Variants in DNAJB6 observed in about 807,000 individuals in gnomAD.
The protein encoded by DNAJB6 is dnaJ homolog subfamily B member 6.
A neutral mutation model predicts 42.7 loss-of-function variants in DNAJB6; 16 were observed. That is an observed-to-expected ratio of 0.37 (90% CI 0.25 to 0.57). DNAJB6 has a LOEUF of 0.57. Ranked by LOEUF, DNAJB6 falls within the 20% of genes least tolerant of loss-of-function variation. The pLI is 0.74. For synonymous variants in DNAJB6, 170 were observed against 163.5 expected, an observed-to-expected ratio of 1.04 and a Z score of -0.30; for missense variants, 347 against 416.8, an observed-to-expected ratio of 0.83 and a Z score of 1.46.
intron 1 of DNAJB6, 26 bp from the exon 2 acceptor site, chr7:157,358,521 C>G: frequency 6.6e-7 from 1 of 1,509,274 alleles, no homozygotes; most frequent in Non-Finnish European, 9.2e-7. Context: ...GCAGCCTCAT[C>G]ACTGACCACC....
At chr7:157,373,903 C>T (rs887358224) in intron 5 of DNAJB6, among the ~76,000 whole-genome samples, 4 of 152,138 alleles carry the variant, frequency 2.6e-5, no homozygotes, top group Admixed American at 6.5e-5. Context: ...CATACTAAGC[C>T]AGGCATGGTG....
At chr7:157,379,335 G>A (rs139791972) in intron 5 of DNAJB6, 32 of 152,326 alleles carry the variant, frequency 2.1e-4, no homozygotes, top group African/African-American at 7.7e-4. Flanking sequence ...AAGAAATTGT[G>A]ACTAAACCAA....
intron 8 of DNAJB6, among the ~76,000 whole-genome samples, chr7:157,393,715 C>T (rs553598667): frequency 2.6e-5 from 4 of 152,148 alleles, no homozygotes; most frequent in African/African-American, 7.2e-5. Context: ...AGTAATTGTA[C>T]GTATTTGTAG....
intron 8 of DNAJB6, among the ~76,000 whole-genome samples, chr7:157,390,659 T>C (rs142415037): frequency 7.9e-5 from 12 of 152,152 alleles, no homozygotes; most frequent in Non-Finnish European, 1.6e-4. Context: ...GCTTCCCGTG[T>C]GGTCAGCGCT....
intron 8 of DNAJB6, among the ~76,000 whole-genome samples, chr7:157,407,051 G>C (rs1024744477): frequency 2.6e-5 from 4 of 152,248 alleles, no homozygotes; most frequent in African/African-American, 9.6e-5. Context: ...ACCCGCCCAG[G>C]GGCGCGTTTT....
intron 5 of DNAJB6, among the ~76,000 whole-genome samples, chr7:157,369,940 ACCCTTCTTAAGATTATTAAACG>A (rs1800082683): frequency 8.4e-4 from 111 of 131,686 alleles, no homozygotes; most frequent in African/African-American, 3.3e-3. Context: ...ATTAAACGGG[ACCCTTCTTAAGATTATTAAACG>A]GGCCCTTTCT....
rs1353995277 is a variant in DNAJB6, at chr7:157,357,276, G to GTCCT, written c.-26-1263_-26-1260dup. ...CTTCCTTCCTTCCGTCCTTCCTTCC[G>GTCCT]TCCTTCCTTCCGTCCTTCCTTCCTT... On this transcript the variant is annotated intron_variant, in intron 1 of 9. Transcript: ENST00000262177. 1.3e-3 allele frequency among the ~76,000 whole-genome samples: 40 copies of GTCCT among 29,830 alleles called. 5 individuals carry two copies. The highest frequency in any genetic ancestry group is 2.7e-3 in the Non-Finnish European group (37 of 13,626). 19.6% of individuals were successfully genotyped at this position (29,830 alleles called of 152,430 possible).
At chr7:157,394,080 C>T (rs2117134662) in intron 8 of DNAJB6, among the ~76,000 whole-genome samples, 1 of 152,074 alleles carries the variant, frequency 6.6e-6, no homozygotes, top group Non-Finnish European at 1.5e-5. Context: ...CTGAGTTTTT[C>T]TTCCTATTTT....
intron 1 of DNAJB6, among the ~76,000 whole-genome samples, chr7:157,349,780 G>T (rs1301760184): frequency 1.3e-5 from 2 of 152,136 alleles, no homozygotes; most frequent in African/African-American, 4.8e-5. Flanking sequence ...GAGTAACTGG[G>T]ATTACAGGTT....
intron 8 of DNAJB6, among the ~76,000 whole-genome samples, chr7:157,405,497 CT>C (rs1335935061): frequency 2.0e-5 from 3 of 152,166 alleles, no homozygotes; most frequent in African/African-American, 4.8e-5. Flanking sequence ...GGCCAGGGTG[CT>C]GGGTTTCCAA....
At chr7:157,393,209 CGA>C (rs1801430444) in intron 8 of DNAJB6, among the ~76,000 whole-genome samples, 2 of 152,092 alleles carry the variant, frequency 1.3e-5, no homozygotes, top group African/African-American at 2.4e-5. Context: ...CTCCTGACCT[CGA>C]GTTATCCCGC....
At chr7:157,395,947 AT>A (rs60935303) in intron 8 of DNAJB6, among the ~76,000 whole-genome samples, 16,386 of 62,686 alleles carry the variant, frequency 0.26, 1,444 homozygotes, top group African/African-American at 0.47. Context: ...TGAGCCTGTA[AT>A]TTTTTTTTTT....
intron 1 of DNAJB6, among the ~76,000 whole-genome samples, chr7:157,349,685 T>C (rs1036044578): frequency 1.3e-5 from 2 of 152,164 alleles, no homozygotes; most frequent in East Asian, 3.9e-4. Context: ...CACTCTGTCA[T>C]CCAGGCTGGA....
Position 157,339,601 on chromosome 7 carries a change from T to TTGTGTG in DNAJB6, c.-27+2498_-27+2503dup, listed in dbSNP as rs59577692. On this transcript the variant is annotated intron_variant, in intron 1 of 9. Coordinates refer to ENST00000262177, the MANE Select transcript of DNAJB6 (RefSeq NM_058246.4). ...GGCATGAGCCACCGCGCCCGGCCTT[T>TTGTGTG]TGTGTGTGTGTGTGTGTGTGTGTGT... Among the ~76,000 whole-genome samples the TTGTGTG allele has an allele frequency of 3.9e-3, 477 of 122,416 alleles. 5 individuals are homozygous for TTGTGTG. The highest frequency in any genetic ancestry group is 4.8e-3 in the South Asian group (17 of 3,568). 80.3% of individuals were successfully genotyped at this position (122,416 alleles called of 152,430 possible). A position where few individuals can be genotyped will look rare whatever the true frequency, so the allele number is the denominator to read the frequency against.
intron 1 of DNAJB6, among the ~76,000 whole-genome samples, chr7:157,340,997 T>TGTGTGTGTGTGTGTGTGC (rs902019051): frequency 1.7e-5 from 2 of 118,298 alleles, no homozygotes; most frequent in African/African-American, 5.7e-5. Flanking sequence ...TGTGTGTGTG[T>TGTGTGTGTGTGTGTGTGC]GCGCGCGCGC....
intron 1 of DNAJB6, among the ~76,000 whole-genome samples, chr7:157,358,149 C>G (rs1386230855): frequency 3.3e-5 from 5 of 152,094 alleles, no homozygotes; most frequent in Non-Finnish European, 5.9e-5. Context: ...GTGGTCTTGC[C>G]CGATGCCTGG....
Position 157,382,331 on chromosome 7 carries a change from C to T in DNAJB6, c.432C>T (p.Phe144=), listed in dbSNP as rs766637787. 2.9e-5 allele frequency: 45 copies of T among 1,577,738 alleles called. 1 individual carries two copies. In the South Asian group the frequency reaches 4.5e-4, roughly 16 times the overall value. The change falls in exon 6 of 10, where the codon TTC becomes TTT. Residue 144 remains phenylalanine, a synonymous_variant. Coordinates refer to ENST00000262177, the MANE Select transcript of DNAJB6 (RefSeq NM_058246.4). ...GGACGGGGTCGTTTTTCTCTGCGTT[C>T]AGTGGATTTCCGTCTTTTGGAAGTG... ...SRGTGSFFSA[F]SGFPSFGSGF... is the part of the protein sequence containing the mutation.
chr7:157,409,875 C>T lies in DNAJB6; in HGVS notation c.772C>T (p.Arg258Cys). Residue 258 changes from arginine (R) to cysteine (C), a missense_variant, in exon 9 of 10, where the codon CGC becomes TGC. Around this residue, in one of 3 missense-constraint regions of DNAJB6, gnomAD observed 264 missense variants for 288.0 expected, o/e 0.92. Transcript: ENST00000262177. The stretch of plus-strand genomic sequence containing the variant: ...CCTGCCAGCCCAGCCTGCCGGCCTC[C>T]GCCCGCCGAAGCCGCCCCGGCCTGC... ...NALPAQPAGLRPPKPPRPASL... is the reference protein window; with the variant it reads ...NALPAQPAGLCPPKPPRPASL... The T allele has an allele frequency of 5.2e-6, 8 of 1,533,362 alleles. No homozygotes were observed. The highest frequency in any genetic ancestry group is 1.4e-5 in the African/African-American group (1 of 73,030). The allele number at this position is 1,533,362 out of a possible 1,614,324, so 95.0% of individuals were successfully genotyped here.
chr7:157,341,638 C>T (rs1798388578), intron 1 of DNAJB6, among the ~76,000 whole-genome samples: 1 of 152,138 alleles, frequency 6.6e-6, no homozygotes, highest in Admixed American at 6.6e-5. Flanking sequence ...ATACTTATTC[C>T]TCTCTGCCAC....
Sources: gnomAD v4.1 joint callset for allele counts (sites outside exome capture counted in the v4.1 genomes callset) on GRCh38, gnomAD v4.1.1 for gene constraint, gnomAD v4.1.1 regional missense constraint, MANE v1.5 for transcripts, NCBI Gene and HGNC (gene_info 2026-07-23, HGNC 2026-07-21) for gene names.